The following NKX2-6 variants were observed in gnomAD, a reference collection of about 807,000 sequenced individuals.
NKX2-6 encodes NK2 homeobox 6.
Under a neutral mutation model 8.6 loss-of-function variants are expected in NKX2-6, and 8 were observed. That is an observed-to-expected ratio of 0.93 (90% CI 0.54 to 1.67). NKX2-6 has a LOEUF of 1.67. Ranked by LOEUF, NKX2-6 falls within the 40% of genes most tolerant of loss-of-function variation. The probability of loss-of-function intolerance (pLI) is 0.00; values close to 1 mark genes in which losing one functional copy is unlikely to be tolerated. For synonymous variants in NKX2-6, 210 were observed against 199.3 expected (o/e 1.05, Z -0.45); for missense variants, 475 against 423.1 (o/e 1.12, Z -1.08).
chr8:23,703,289 T>G (rs182649049), intron 1 of NKX2-6, among the ~76,000 whole-genome samples: 159 of 152,360 alleles, frequency 1.0e-3, no homozygotes, highest in African/African-American at 3.8e-3. Flanking sequence ...GTCACCTTTA[T>G]ATGTTACTGC....
chr8:23,705,596 C>T (rs1002395947), intron 1 of NKX2-6, among the ~76,000 whole-genome samples: 1 of 152,254 alleles, frequency 6.6e-6, no homozygotes, highest in African/African-American at 2.4e-5. Context: ...GGGCTGGACA[C>T]AGGTGCGTGG....
rs1801091855 is a variant in NKX2-6 at position 23,706,426 on chromosome 8, G to A, written c.173C>T (p.Ala58Val). ...AEPRGSEVHN[A>V]GGGGGDRKLD... ...CTTTCTGTCACCGCCGCCGCCACCA[G>A]CGTTGTGAACCTCTGACCCTCGCGG... is the stretch of plus-strand genomic sequence containing the variant. The change falls in exon 1 of 2, where the codon GCT (alanine) becomes GTT (valine). Residue 58 changes from alanine (A) to valine (V), a missense_variant. Transcript: ENST00000325017. The A allele has an allele frequency of 1.3e-6, 2 of 1,550,226 alleles. No individual in the cohort carries two copies. The highest frequency in any genetic ancestry group is 4.9e-5 in the East Asian group (2 of 40,910).
chr8:23,706,288 T>G, intron 1 of NKX2-6, 37 bp downstream of exon 1: 1 of 1,475,366 alleles, frequency 6.8e-7, no homozygotes, highest in Non-Finnish European at 9.1e-7. Context: ...GCCCCCACAT[T>G]CCCCCCGTAG....
In NKX2-6 at chr8:23,702,661, G is replaced by A; in HGVS notation, c.696C>T (p.Ser232=). The part of the protein sequence containing the change: ...GPGPGAPAFP[S]PYSAAVSPYS... Reference sequence around the variant, plus strand: ...AGGGCGACACTGCTGCACTGTAGGGGCTGGGGAAGGCAGGTGCGCCGGGCC... The same window carrying A: ...AGGGCGACACTGCTGCACTGTAGGGACTGGGGAAGGCAGGTGCGCCGGGCC... Residue 232 remains serine, a synonymous_variant, in exon 2 of 2, where the codon AGC becomes AGT. Transcript: ENST00000325017. 6.4e-7 allele frequency: 1 copy of A among 1,550,678 alleles called. No individual in the cohort carries two copies. Among genetic ancestry groups the A allele is most frequent in the South Asian group, 1.2e-5 (1 of 83,988 alleles).
In NKX2-6 at chr8:23,706,515, A is replaced by C. The variant is rs1183217263; in HGVS notation, c.84T>G (p.Ala28=). The change falls in exon 1 of 2, where the codon GCT becomes GCG. Residue 28 remains alanine (A), a synonymous_variant. Coordinates refer to ENST00000325017, the MANE Select transcript of NKX2-6 (RefSeq NM_001136271.3). The part of the protein sequence containing the change: ...RLERERSCPA[A]SPHPRVRKSP... ...TCTTCCGCACCCGCGGATGTGGCGAAGCCGCGGGGCAGCTCCGCTCGCGCT... is the reference window on the plus strand; with the variant it reads ...TCTTCCGCACCCGCGGATGTGGCGACGCCGCGGGGCAGCTCCGCTCGCGCT... 1 of 1,537,726 alleles carries C rather than the reference A, an allele frequency of 6.5e-7. No individual in the cohort carries two copies. Among genetic ancestry groups the C allele is most frequent in the Middle Eastern group, 1.7e-4 (1 of 5,990 alleles).
rs551497375 is a variant in NKX2-6 at position 23,704,878 on chromosome 8, G to A, written c.274+1447C>T. On this transcript the variant is annotated intron_variant, in intron 1 of 1. Transcript: ENST00000325017. Reference sequence around the variant, plus strand: ...GTGGGCCAGCACCCTGCGCCCTTCTGTTCACAATCCTGGAGTTCTTGAGGG... The same window carrying A: ...GTGGGCCAGCACCCTGCGCCCTTCTATTCACAATCCTGGAGTTCTTGAGGG... Among the ~76,000 whole-genome samples, 10 of 152,328 alleles carry A rather than the reference G, an allele frequency of 6.6e-5. No homozygotes were observed. The South Asian group carries it at 2.1e-3, about 32-fold the overall frequency.
chr8:23,706,434 A>C lies in NKX2-6; in HGVS notation c.165T>G (p.Val55=). The change falls in exon 1 of 2, where the codon GTT becomes GTG. Residue 55 remains valine (V), a synonymous_variant. Coordinates refer to ENST00000325017, the MANE Select transcript of NKX2-6 (RefSeq NM_001136271.3). ...CACCGCCGCCGCCACCAGCGTTGTG[A>C]ACCTCTGACCCTCGCGGCTCTGCGT... ...RMDAEPRGSE[V]HNAGGGGGDR... The C allele has an allele frequency of 6.5e-7, 1 of 1,549,666 alleles. No individual in the cohort carries two copies. Among genetic ancestry groups the C allele is most frequent in the Non-Finnish European group, 8.7e-7 (1 of 1,147,004 alleles).
At chr8:23,706,250 T>A in intron 1 of NKX2-6, 75 bp downstream of exon 1, 1 of 1,395,044 alleles carries the variant, frequency 7.2e-7, no homozygotes. Flanking sequence ...AGGCGTATTT[T>A]CCCCATGCAC....
At position 23,706,447 on chromosome 8, in the gene NKX2-6, C is replaced by T. The variant is rs1431455180; in HGVS notation, c.152G>A (p.Arg51Gln). 1.3e-6 allele frequency: 2 copies of T among 1,547,712 alleles called. No individual in the cohort carries two copies. Among genetic ancestry groups the T allele is most frequent in the Non-Finnish European group, 1.7e-6 (2 of 1,146,998 alleles). The part of the protein sequence containing the change: ...FQYLRMDAEP[R>Q]GSEVHNAGGG... The stretch of plus-strand genomic sequence containing the variant: ...ACCAGCGTTGTGAACCTCTGACCCT[C>T]GCGGCTCTGCGTCCATTCTCAGGTA... Residue 51 changes from arginine (R) to glutamine (Q), a missense_variant, in exon 1 of 2, where the codon CGA becomes CAA. Physicochemically the swap from Arg to Gln is conservative, Grantham distance 43. Transcript: ENST00000325017.
In NKX2-6 at chr8:23,702,976, G is replaced by C; in HGVS notation, c.381C>G (p.Pro127=). The C allele has an allele frequency of 6.5e-7, 1 of 1,544,186 alleles. No homozygotes were observed. The highest frequency in any genetic ancestry group is 8.7e-7 in the Non-Finnish European group (1 of 1,145,208). The change falls in exon 2 of 2, where the codon CCC becomes CCG. Residue 127 remains proline (P), a synonymous_variant. Coordinates refer to ENST00000325017, the MANE Select transcript of NKX2-6 (RefSeq NM_001136271.3). The stretch of plus-strand genomic sequence containing the variant: ...GCGGCTTCCGTCGTTGCCGCGCCTT[G>C]GGCTGCTCCGAGCGGCCACCCCGCA... ...DSVRGGRSEQ[P]KARQRRKPRV... is the part of the protein sequence containing the mutation.
chr8:23,703,652 T>C (rs1035072508), intron 1 of NKX2-6, among the ~76,000 whole-genome samples: 1 of 151,794 alleles, frequency 6.6e-6, no homozygotes, highest in African/African-American at 2.4e-5. Flanking sequence ...GCCGAGATCG[T>C]GCCACTGCAC....
chr8:23,702,493 C>A lies in NKX2-6; in HGVS notation c.864G>T (p.Gln288His). 1 of 1,516,750 alleles carries A rather than the reference C, an allele frequency of 6.6e-7. No homozygotes were observed. Among genetic ancestry groups the A allele is most frequent in the Non-Finnish European group, 8.8e-7 (1 of 1,131,624 alleles). 94.0% of individuals were successfully genotyped at this position (1,516,750 alleles called of 1,614,324 possible). The change falls in exon 2 of 2, where the codon CAG (glutamine) becomes CAT (histidine). Residue 288 changes from glutamine to histidine, a missense_variant. Physicochemically the swap from Gln to His is conservative, Grantham distance 24 (BLOSUM62 0). Transcript: ENST00000325017. Reference sequence around the variant, plus strand: ...CCTGCAGCGTGGCTGCCAGATGGCCCTGCGGGGTGGCATTCTGGCCACCGT... The same window carrying A: ...CCTGCAGCGTGGCTGCCAGATGGCCATGCGGGGTGGCATTCTGGCCACCGT... ...FGHGGQNATP[Q>H]GHLAATLQGV...
At chr8:23,706,201 C>A (rs1801086640) in intron 1 of NKX2-6, 124 bp downstream of exon 1, 3 of 1,074,294 alleles carry the variant, frequency 2.8e-6, no homozygotes, top group Admixed American at 2.9e-5. Context: ...TTGGACTCCT[C>A]GAGAGAAAAT....
chr8:23,702,612 C>G lies in NKX2-6; in HGVS notation c.745G>C (p.Gly249Arg). 6.5e-7 allele frequency: 1 copy of G among 1,548,042 alleles called. No homozygotes were observed. Among genetic ancestry groups the G allele is most frequent in the Non-Finnish European group, 8.7e-7 (1 of 1,146,158 alleles). Reference sequence around the variant, plus strand: ...CCGTAGCCTGCGCCGTAGGGTGCTCCGCTGTAGCCTCCGTAGCAAGAGTAG... The same window carrying G: ...CCGTAGCCTGCGCCGTAGGGTGCTCGGCTGTAGCCTCCGTAGCAAGAGTAG... The part of the protein sequence containing the change: ...SPYSCYGGYS[G>R]APYGAGYGTC... The change falls in exon 2 of 2, where the codon GGA (glycine) becomes CGA (arginine). Residue 249 changes from glycine (G) to arginine (R), a missense_variant. Coordinates refer to ENST00000325017, the MANE Select transcript of NKX2-6 (RefSeq NM_001136271.3).
chr8:23,704,363 C>T (rs994693417), intron 1 of NKX2-6, among the ~76,000 whole-genome samples: 4 of 152,190 alleles, frequency 2.6e-5, no homozygotes, highest in African/African-American at 9.6e-5. Context: ...GCGACCCCTA[C>T]AGCTGAGACT....
intron 1 of NKX2-6, among the ~76,000 whole-genome samples, chr8:23,705,706 C>A (rs1334480075): frequency 6.6e-6 from 1 of 152,246 alleles, no homozygotes; most frequent in African/African-American, 2.4e-5. Flanking sequence ...CAACCTTTAA[C>A]GTTCTCCCTG....
intron 1 of NKX2-6, among the ~76,000 whole-genome samples, chr8:23,705,004 C>T (rs1275987154): frequency 6.6e-6 from 1 of 152,202 alleles, no homozygotes; most frequent in Non-Finnish European, 1.5e-5. Flanking sequence ...CTGGAGCCGG[C>T]CTCGGGTCCG....
chr8:23,705,196 G>GC (rs1801071458), intron 1 of NKX2-6, among the ~76,000 whole-genome samples: 1 of 152,252 alleles, frequency 6.6e-6, no homozygotes. Flanking sequence ...AGTTGGCTGA[G>GC]CAGCGCCGAG....
chr8:23,702,265 G>T lies in NKX2-6; in HGVS notation c.*186C>A, dbSNP rs943737242. ...AGGGGTCTTCTTTTGGGGGAAGAAC[G>T]TCCCAGGCGGGGCCTTTAACTGGGT... On this transcript the variant is annotated 3_prime_UTR_variant, in exon 2 of 2. Coordinates refer to ENST00000325017, the MANE Select transcript of NKX2-6 (RefSeq NM_001136271.3). Among the ~76,000 whole-genome samples the T allele has an allele frequency of 2.0e-5, 3 of 152,350 alleles. No homozygotes were observed. In the East Asian group the frequency reaches 5.8e-4, roughly 29 times the overall value.
Sources: gnomAD v4.1 joint callset for allele counts (sites outside exome capture counted in the v4.1 genomes callset) on GRCh38, gnomAD v4.1.1 for gene constraint, MANE v1.5 for transcripts, NCBI Gene and HGNC (gene_info 2026-07-23, HGNC 2026-07-21) for gene names.